Variants in MITF observed in about 807,000 individuals in gnomAD.
MITF encodes melanocyte inducing transcription factor, also known as microphthalmia-associated transcription factor.
A neutral mutation model predicts 60.5 loss-of-function variants in MITF; 17 were observed. That is an observed-to-expected ratio of 0.28 (90% confidence interval 0.19 to 0.42). The LOEUF is 0.42. Ranked by LOEUF, MITF falls within the 10% of genes least tolerant of loss-of-function variation. The pLI, the probability that MITF is intolerant of heterozygous loss-of-function variation, is 1.00. For synonymous variants in MITF, 260 were observed against 248.5 expected (o/e 1.05, Z -0.43); for missense variants, 622 against 683.5 (o/e 0.91, Z 1.00).
intron 1 of MITF, among the ~76,000 whole-genome samples, chr3:69,809,254 A>C (rs967852132): frequency 6.6e-6 from 1 of 152,164 alleles, no homozygotes; most frequent in Non-Finnish European, 1.5e-5. Context: ...GGGGGAGAGT[A>C]CAGAGTTTTA....
chr3:69,937,372 G>GTA (rs1219816267), intron 2 of MITF, among the ~76,000 whole-genome samples: 1 of 145,620 alleles, frequency 6.9e-6, no homozygotes, highest in African/African-American at 2.7e-5. Context: ...GGAGGTGTGT[G>GTA]TGTGTGTGTG....
At chr3:69,857,426 A>G (rs897020563) in intron 1 of MITF, among the ~76,000 whole-genome samples, 1 of 152,150 alleles carries the variant, frequency 6.6e-6, no homozygotes, top group Non-Finnish European at 1.5e-5. Flanking sequence ...TGCAAATATG[A>G]GATACAGTTA....
intron 1 of MITF, among the ~76,000 whole-genome samples, chr3:69,865,597 G>A (rs994199367): frequency 2.0e-5 from 3 of 152,150 alleles, no homozygotes; most frequent in African/African-American, 7.2e-5. Flanking sequence ...CGATTTGTGT[G>A]TCCTGAAAGA....
intron 8 of MITF, among the ~76,000 whole-genome samples, chr3:69,957,241 T>C (rs952527510): frequency 1.3e-5 from 2 of 152,164 alleles, no homozygotes; most frequent in African/African-American, 2.4e-5. Flanking sequence ...CCATTAGAAA[T>C]TGGCCCATTT....
At chr3:69,839,299 A>G (rs1007210649) in intron 1 of MITF, among the ~76,000 whole-genome samples, 7 of 152,104 alleles carry the variant, frequency 4.6e-5, no homozygotes, top group Non-Finnish European at 8.8e-5. Context: ...TGATGAAATG[A>G]TAAAAACACT....
At chr3:69,795,992 TG>T (rs962573991) in intron 1 of MITF, among the ~76,000 whole-genome samples, 9 of 152,212 alleles carry the variant, frequency 5.9e-5, no homozygotes, top group African/African-American at 2.2e-4. Context: ...TTTTTGTTTT[TG>T]TTTTTTGAGA....
intron 1 of MITF, among the ~76,000 whole-genome samples, chr3:69,842,030 T>G (rs895420338): frequency 1.3e-5 from 2 of 152,234 alleles, no homozygotes; most frequent in African/African-American, 2.4e-5. Context: ...CTCCCGTTGA[T>G]GAATTAATAG....
intron 1 of MITF, 65 bp downstream of exon 1, chr3:69,739,766 G>A: frequency 8.1e-7 from 1 of 1,235,694 alleles, no homozygotes; most frequent in South Asian, 1.3e-5. Flanking sequence ...TGCCACTCTG[G>A]GGCGAGGAGA....
At chr3:69,758,814 C>T (rs546084669) in intron 1 of MITF, 76 of 210,090 alleles carry the variant, frequency 3.6e-4, no homozygotes, top group Non-Finnish European at 4.3e-4. Context: ...AAGAAATTAT[C>T]TTACCTTTTC....
intron 1 of MITF, chr3:69,751,941 T>C (rs1206259718): frequency 6.6e-6 from 1 of 152,196 alleles, no homozygotes; most frequent in Non-Finnish European, 1.5e-5. Context: ...TGAGATCTGG[T>C]CATTTAAAAG....
At chr3:69,806,718 C>A (rs2063015179) in intron 1 of MITF, among the ~76,000 whole-genome samples, 1 of 152,018 alleles carries the variant, frequency 6.6e-6, no homozygotes, top group Non-Finnish European at 1.5e-5. Flanking sequence ...TGTCAGATGC[C>A]CGGCGAGGAC....
chr3:69,785,671 G>T (rs1262414005), intron 1 of MITF, among the ~76,000 whole-genome samples: 2 of 152,194 alleles, frequency 1.3e-5, no homozygotes, highest in African/African-American at 2.4e-5. Context: ...ATGACCTGAA[G>T]ATTGTCTTTT....
chr3:69,819,508 C>G (rs200545523), intron 1 of MITF, among the ~76,000 whole-genome samples: 1 of 152,142 alleles, frequency 6.6e-6, no homozygotes, highest in African/African-American at 2.4e-5. Flanking sequence ...GAGCAGAGAC[C>G]AAGTGTGAAC....
At chr3:69,853,917 G>A (rs1447408317) in intron 1 of MITF, among the ~76,000 whole-genome samples, 1 of 149,022 alleles carries the variant, frequency 6.7e-6, no homozygotes, top group African/African-American at 2.5e-5. Context: ...CTGGAGTGCA[G>A]TGGTGTGATC....
At chr3:69,870,580 G>A (rs535413856) in intron 1 of MITF, among the ~76,000 whole-genome samples, 24 of 151,764 alleles carry the variant, frequency 1.6e-4, no homozygotes, top group Non-Finnish European at 2.4e-4. Flanking sequence ...GACTACAGGC[G>A]TGTACCACCA....
chr3:69,892,472 C>T (rs1328761154), intron 2 of MITF, among the ~76,000 whole-genome samples: 1 of 152,078 alleles, frequency 6.6e-6, no homozygotes, highest in Non-Finnish European at 1.5e-5. Context: ...TGTTAGTGTT[C>T]ACTCTTGGTT....
intron 1 of MITF, among the ~76,000 whole-genome samples, chr3:69,848,620 TCA>T (rs2063770913): frequency 6.6e-6 from 1 of 152,224 alleles, no homozygotes; most frequent in South Asian, 2.1e-4. Context: ...AATATCATGC[TCA>T]GAGTGGTGAC....
intron 1 of MITF, among the ~76,000 whole-genome samples, chr3:69,747,074 T>C (rs1703755153): frequency 6.6e-6 from 1 of 152,214 alleles, no homozygotes; most frequent in African/African-American, 2.4e-5. Flanking sequence ...ATGAAGCTTT[T>C]ATCTTTAATG....
rs1195515853 is a variant in MITF, at chr3:69,959,281, G to A, written c.1040G>A (p.Arg347His). The A allele has an allele frequency of 1.9e-5, 31 of 1,613,902 alleles. No homozygotes were observed. The highest frequency in any genetic ancestry group is 2.4e-5 in the Non-Finnish European group (28 of 1,179,984). Residue 347 changes from arginine (R) to histidine (H), a missense_variant, in exon 9 of 10, where the codon CGC becomes CAC. Transcript: ENST00000352241. ...LIPKSNDPDM[R>H]WNKGTILKAS... Reference sequence around the variant, plus strand: ...CTCCATTTTCATCGCAGAGACATGCGCTGGAACAAGGGAACCATCTTAAAA... The same window carrying A: ...CTCCATTTTCATCGCAGAGACATGCACTGGAACAAGGGAACCATCTTAAAA...
Sources: allele counts gnomAD v4.1 joint callset (sites outside exome capture counted in the v4.1 genomes callset), GRCh38; gene constraint gnomAD v4.1.1; transcripts MANE v1.5; gene names NCBI Gene and HGNC (gene_info 2026-07-23, HGNC 2026-07-21).